Variants in MALRD1 observed in about 807,000 individuals in gnomAD.
MALRD1 encodes MAM and LDL-receptor class A domain-containing protein 1.
A neutral mutation model predicts 242.1 loss-of-function variants in MALRD1; 247 were observed. The ratio of observed to expected loss-of-function variants is 1.02; its 90% CI spans 0.92 to 1.13. MALRD1 has a LOEUF of 1.13. Ranked by LOEUF, MALRD1 falls within the 50% of genes most tolerant of loss-of-function variation. The pLI is 0.00. For synonymous variants in MALRD1, 995 were observed against 866.6 expected, an observed-to-expected ratio of 1.15 and a Z score of -2.60; for missense variants, 2,989 against 2,533.1, an observed-to-expected ratio of 1.18 and a Z score of -3.86.
intron 25 of MALRD1, among the ~76,000 whole-genome samples, chr10:19,350,775 G>A (rs188603976): frequency 1.0e-3 from 153 of 152,252 alleles, no homozygotes; most frequent in African/African-American, 3.5e-3. Flanking sequence ...GCACAAATAA[G>A]ACAAACAAAA....
chr10:19,205,876 G>A (rs1211347508), intron 17 of MALRD1, among the ~76,000 whole-genome samples: 1 of 151,006 alleles, frequency 6.6e-6, no homozygotes, highest in Non-Finnish European at 1.5e-5. Flanking sequence ...GCACTTAGTG[G>A]TACAGTGCGG....
intron 24 of MALRD1, among the ~76,000 whole-genome samples, chr10:19,336,624 C>G (rs1351058035): frequency 6.6e-6 from 1 of 152,130 alleles, no homozygotes; most frequent in South Asian, 2.1e-4. Flanking sequence ...GAAAAAGACA[C>G]TTTTAATAGC....
intron 36 of MALRD1, among the ~76,000 whole-genome samples, chr10:19,635,565 AG>A (rs1840091871): frequency 2.0e-5 from 3 of 152,198 alleles, no homozygotes; most frequent in Admixed American, 6.5e-5. Flanking sequence ...CAACACGGAA[AG>A]AAAAAAAGAT....
chr10:19,469,705 G>A (rs1203221929), intron 29 of MALRD1, among the ~76,000 whole-genome samples: 1 of 152,018 alleles, frequency 6.6e-6, no homozygotes, highest in Admixed American at 6.6e-5. Flanking sequence ...TGTTTGAACT[G>A]GGTTACATGC....
At chr10:19,570,659 A>G (rs1267693654) in intron 33 of MALRD1, among the ~76,000 whole-genome samples, 3 of 152,086 alleles carry the variant, frequency 2.0e-5, no homozygotes, top group Admixed American at 2.0e-4. Flanking sequence ...CAAGATCTAA[A>G]TAATACAAGA....
In MALRD1 at chr10:19,595,333, C is replaced by G. The variant is rs760012790; in HGVS notation, c.5820C>G (p.Leu1940=). ...IDGSDEMDCP[L]SPTPPLCSNM... ...GATCTGATGAAATGGATTGTCCTCT[C>G]AGCCCCACCCCTCCACTCTGTAGTA... Residue 1940 remains leucine (L), a synonymous_variant, in exon 34 of 40, where the codon CTC becomes CTG. Coordinates refer to ENST00000454679, the MANE Select transcript of MALRD1 (RefSeq NM_001142308.3). The G allele has an allele frequency of 6.4e-7, 1 of 1,550,764 alleles. No individual in the cohort carries two copies. The highest frequency in any genetic ancestry group is 1.4e-5 in the African/African-American group (1 of 73,124).
At chr10:19,265,639 C>A (rs1000544225) in intron 19 of MALRD1, among the ~76,000 whole-genome samples, 2 of 152,056 alleles carry the variant, frequency 1.3e-5, no homozygotes, top group Non-Finnish European at 2.9e-5. Context: ...TGTGGACTAA[C>A]ATATTATCTA....
At chr10:19,234,579 T>C (rs566369760) in intron 18 of MALRD1, among the ~76,000 whole-genome samples, 2 of 152,238 alleles carry the variant, frequency 1.3e-5, no homozygotes, top group Admixed American at 6.5e-5. Flanking sequence ...AAGTGAACTT[T>C]TTAGTATAAC....
chr10:19,254,927 A>G (rs1032519731), intron 18 of MALRD1, among the ~76,000 whole-genome samples: 1 of 152,014 alleles, frequency 6.6e-6, no homozygotes, highest in African/African-American at 2.4e-5. Context: ...ATGTGTTTGT[A>G]TGTGAGGACA....
intron 24 of MALRD1, among the ~76,000 whole-genome samples, chr10:19,339,399 A>T (rs1323524246): frequency 2.6e-5 from 4 of 152,118 alleles, no homozygotes; most frequent in Admixed American, 2.6e-4. Flanking sequence ...CGTTTTCAAC[A>T]TTTTGCCCAA....
At chr10:19,174,887 A>G (rs1835164773) in intron 13 of MALRD1, among the ~76,000 whole-genome samples, 1 of 152,142 alleles carries the variant, frequency 6.6e-6, no homozygotes, top group Admixed American at 6.6e-5. Flanking sequence ...TGTAAGTCAC[A>G]CAGTTGATTA....
At chr10:19,237,629 T>C (rs1234419188) in intron 18 of MALRD1, among the ~76,000 whole-genome samples, 2 of 63,836 alleles carry the variant, frequency 3.1e-5, no homozygotes, top group Non-Finnish European at 5.5e-5. Flanking sequence ...ATTATATAAT[T>C]ATAATTATAT....
intron 38 of MALRD1, among the ~76,000 whole-genome samples, chr10:19,693,399 G>A (rs1037123266): frequency 1.4e-4 from 22 of 152,152 alleles, no homozygotes; most frequent in African/African-American, 4.3e-4. Context: ...AAATCAATGT[G>A]CAAAAATCAC....
At chr10:19,140,192 A>G (rs1403225991) in intron 10 of MALRD1, among the ~76,000 whole-genome samples, 1 of 152,164 alleles carries the variant, frequency 6.6e-6, no homozygotes, top group African/African-American at 2.4e-5. Context: ...GAGCTGATTA[A>G]CTTCTGGAGG....
chr10:19,454,791 A>G lies in MALRD1; in HGVS notation c.5029+4301A>G, dbSNP rs190259584. On this transcript the variant is annotated intron_variant, in intron 29 of 39. Coordinates refer to ENST00000454679, the MANE Select transcript of MALRD1 (RefSeq NM_001142308.3). The stretch of plus-strand genomic sequence containing the variant: ...TATGTATGGTATATATTTGGTAGTT[A>G]TCTACTTTAGCTGCAAATAGGAAAG... 3.9e-3 allele frequency among the ~76,000 whole-genome samples: 594 copies of G among 151,900 alleles called. 6 individuals are homozygous for G. The highest frequency in any genetic ancestry group is 6.3e-3 in the Non-Finnish European group (427 of 67,974).
At chr10:19,070,972 C>T (rs1037478441) in intron 2 of MALRD1, among the ~76,000 whole-genome samples, 2 of 148,266 alleles carry the variant, frequency 1.3e-5, no homozygotes, top group Non-Finnish European at 3.0e-5. Flanking sequence ...CTGTGTCAGT[C>T]TCCTGAGTAG....
chr10:19,386,076 G>A (rs1364572855), intron 26 of MALRD1, among the ~76,000 whole-genome samples: 2 of 152,112 alleles, frequency 1.3e-5, no homozygotes, highest in Non-Finnish European at 2.9e-5. Flanking sequence ...AAAATTGCCA[G>A]AAGCCTTCAT....
chr10:19,506,246 A>G (rs775763974), intron 31 of MALRD1, among the ~76,000 whole-genome samples: 1 of 152,228 alleles, frequency 6.6e-6, no homozygotes, highest in African/African-American at 2.4e-5. Flanking sequence ...ATGAGTTTAA[A>G]TGAATAACCA....
chr10:19,550,106 A>T (rs1045591195), intron 32 of MALRD1, among the ~76,000 whole-genome samples: 4 of 152,170 alleles, frequency 2.6e-5, no homozygotes, highest in African/African-American at 9.6e-5. Context: ...TTAAGTAAGA[A>T]AGGTGAAAAA....
Sources: allele counts gnomAD v4.1 joint callset (sites outside exome capture counted in the v4.1 genomes callset), GRCh38; gene constraint gnomAD v4.1.1; transcripts MANE v1.5; gene names NCBI Gene and HGNC (gene_info 2026-07-23, HGNC 2026-07-21).